Variants in OSMR observed in about 807,000 individuals in gnomAD.
OSMR encodes the protein oncostatin M receptor.
A neutral mutation model predicts 99.9 loss-of-function variants in OSMR; 81 were observed. That is an observed-to-expected ratio of 0.81 (90% CI 0.68 to 0.97). The LOEUF (loss-of-function observed/expected upper bound fraction) is 0.97. Among genes scored for constraint, OSMR ranks in the 50% least tolerant of loss-of-function variants. The pLI is 0.00. For synonymous variants in OSMR, 406 were observed against 410.4 expected (o/e 0.99, Z 0.13); for missense variants, 1,099 against 1,153.4 (o/e 0.95, Z 0.68).
chr5:38,866,976 G>T (rs1741999826), intron 1 of OSMR, among the ~76,000 whole-genome samples: 1 of 152,120 alleles, frequency 6.6e-6, no homozygotes, highest in East Asian at 1.9e-4. Flanking sequence ...CTTCTCAGGG[G>T]TTCTCTGTCA....
At chr5:38,906,517 C>T (rs972201270) in intron 9 of OSMR, among the ~76,000 whole-genome samples, 19 of 152,072 alleles carry the variant, frequency 1.2e-4, no homozygotes, top group Admixed American at 7.2e-4. Flanking sequence ...TATTGTAGCA[C>T]TTTTTTGTTA....
intron 1 of OSMR, among the ~76,000 whole-genome samples, chr5:38,853,315 G>T (rs1480294806): frequency 2.0e-5 from 3 of 152,124 alleles, no homozygotes; most frequent in Non-Finnish European, 4.4e-5. Context: ...CTGTATGTAG[G>T]TTCTCATAAG....
chr5:38,873,822 T>C (rs1742585335), intron 2 of OSMR, among the ~76,000 whole-genome samples: 1 of 152,130 alleles, frequency 6.6e-6, no homozygotes, highest in Non-Finnish European at 1.5e-5. Context: ...TTGACTTATT[T>C]TATTTTATTC....
chr5:38,863,057 G>A lies in OSMR; in HGVS notation c.-13-5975G>A, dbSNP rs532172476. The stretch of plus-strand genomic sequence containing the variant: ...CGTGCGCCTGCAATCTCAGGCACTC[G>A]GCAGGCTGAGGCAGGAGAATCAGGC... On this transcript the variant is annotated intron_variant, in intron 1 of 17. Coordinates refer to ENST00000274276, the MANE Select transcript of OSMR (RefSeq NM_003999.3). 2.6e-3 allele frequency among the ~76,000 whole-genome samples: 391 copies of A among 151,922 alleles called. 2 individuals are homozygous for A. The highest frequency in any genetic ancestry group is 8.9e-3 in the African/African-American group (368 of 41,418).
At position 38,924,458 on chromosome 5, in the gene OSMR, T is replaced by G. The variant is rs1561408667; in HGVS notation, c.1907T>G (p.Leu636Trp). Residue 636 changes from leucine (L) to tryptophan (W), a missense_variant, in exon 14 of 18, where the codon TTG becomes TGG. Leu to Trp is a moderately conservative substitution (Grantham distance 61). Transcript: ENST00000274276. ...SDNPHVLVDT[L>W]TSHSFTLSWK... ...AACCCTCACGTGCTGGTGGATACAT[T>G]GACATCCCACTCCTTCACTCTGAGT... 2.5e-6 allele frequency: 4 copies of G among 1,614,072 alleles called. No individual in the cohort carries two copies. Among genetic ancestry groups the G allele is most frequent in the Non-Finnish European group, 3.4e-6 (4 of 1,179,926 alleles).
chr5:38,937,380 G>GA (rs1245033333), downstream of OSMR, among the ~76,000 whole-genome samples: 2 of 152,162 alleles, frequency 1.3e-5, no homozygotes, highest in African/African-American at 2.4e-5. This position sits in a 1 kb window ranked among gnomAD's most constrained non-coding sequence, Gnocchi z 4.0. Context: ...AAGACATTGG[G>GA]AAAAAATGAT....
In OSMR at chr5:38,885,441, G is replaced by T; in HGVS notation, c.796G>T (p.Gly266Trp). 1 of 1,613,982 alleles carries T rather than the reference G, an allele frequency of 6.2e-7. No homozygotes were observed. Among genetic ancestry groups the T allele is most frequent in the Non-Finnish European group, 8.5e-7 (1 of 1,179,904 alleles). The stretch of plus-strand genomic sequence containing the variant: ...GGATCCTGGGACGGACACTGCCTTG[G>T]GGTGGTCTAAACAACCTTCCCAAAG... ...TWDPGTDTAL[G>W]WSKQPSQSYT... The change falls in exon 6 of 18, where the codon GGG becomes TGG. Residue 266 changes from glycine to tryptophan, a missense_variant. Coordinates refer to ENST00000274276, the MANE Select transcript of OSMR (RefSeq NM_003999.3).
chr5:38,930,005 C>T (rs549235190), intron 15 of OSMR, among the ~76,000 whole-genome samples: 1 of 152,288 alleles, frequency 6.6e-6, no homozygotes, highest in Admixed American at 6.5e-5. Flanking sequence ...TGTGGATAAT[C>T]ATACTCTCCC....
chr5:38,891,347 C>A (rs1326931115), intron 7 of OSMR, among the ~76,000 whole-genome samples: 2 of 152,186 alleles, frequency 1.3e-5, no homozygotes, highest in East Asian at 3.9e-4. Context: ...GTTTCTAGTT[C>A]AAGAGGACTG....
In OSMR at chr5:38,884,096, G is replaced by T. The variant is rs746593594; in HGVS notation, c.688G>T (p.Val230Phe). 3 of 1,613,216 alleles carry T rather than the reference G, an allele frequency of 1.9e-6. No individual in the cohort carries two copies. In the South Asian group the frequency reaches 3.3e-5, roughly 18 times the overall value. The change falls in exon 5 of 18, where the codon GTT becomes TTT. Residue 230 changes from valine (V) to phenylalanine (F), a missense_variant. Coordinates refer to ENST00000274276, the MANE Select transcript of OSMR (RefSeq NM_003999.3). The stretch of plus-strand genomic sequence containing the variant: ...TGTCAGTGAAGGCATGAAAGGCATC[G>T]TTCTTTTTGTCTCAAGTAAGTGTGC... ...GNVSEGMKGI[V>F]LFVSKVLEEP...
At chr5:38,847,234 T>G (rs1197301378) in intron 1 of OSMR, among the ~76,000 whole-genome samples, 1 of 152,236 alleles carries the variant, frequency 6.6e-6, no homozygotes. Context: ...TCAAACTACT[T>G]ATCACCTCTT....
intron 15 of OSMR, among the ~76,000 whole-genome samples, chr5:38,928,479 T>C (rs1746570759): frequency 6.6e-6 from 1 of 152,112 alleles, no homozygotes; most frequent in Non-Finnish European, 1.5e-5. Flanking sequence ...AACACATGCT[T>C]CTTCACATGG....
downstream of OSMR, among the ~76,000 whole-genome samples, chr5:38,936,740 A>C (rs1212034452): frequency 1.3e-5 from 2 of 152,220 alleles, no homozygotes; most frequent in South Asian, 2.1e-4. Context: ...GAACTTTTAA[A>C]ACTCTGGAAG....
At chr5:38,909,683 G>A (rs1745452238) in intron 9 of OSMR, among the ~76,000 whole-genome samples, 1 of 152,136 alleles carries the variant, frequency 6.6e-6, no homozygotes, top group Non-Finnish European at 1.5e-5. Context: ...AATGCTAACG[G>A]AATTCACTAC....
intron 7 of OSMR, among the ~76,000 whole-genome samples, chr5:38,893,024 C>T (rs143213428): frequency 6.6e-6 from 1 of 152,182 alleles, no homozygotes; most frequent in South Asian, 2.1e-4. Context: ...GAACAGGAAC[C>T]CCAGAGTACT....
intron 7 of OSMR, among the ~76,000 whole-genome samples, chr5:38,902,317 C>T (rs1042830458): frequency 3.3e-5 from 5 of 152,214 alleles, no homozygotes; most frequent in African/African-American, 9.6e-5. Context: ...AGGTGGCCTT[C>T]TGTGCCCCAA....
At chr5:38,880,372 G>C (rs1399450831) in intron 3 of OSMR, among the ~76,000 whole-genome samples, 5 of 152,144 alleles carry the variant, frequency 3.3e-5, no homozygotes, top group African/African-American at 4.8e-5. Flanking sequence ...TTGCAGCTGT[G>C]GGGCAGGAAA....
chr5:38,874,232 T>TTTG (rs142198285), intron 2 of OSMR, among the ~76,000 whole-genome samples: 5 of 152,182 alleles, frequency 3.3e-5, no homozygotes, highest in South Asian at 4.1e-4. Context: ...TTATTGTCTA[T>TTTG]TTGTTGTTGT....
intron 10 of OSMR, 80 bp downstream of exon 10, chr5:38,917,702 C>T: frequency 8.4e-7 from 1 of 1,183,544 alleles, no homozygotes; most frequent in Non-Finnish European, 1.3e-6. Context: ...CTCTGGAGAA[C>T]TGTGGATTGG....
Sources: allele counts gnomAD v4.1 joint callset (sites outside exome capture counted in the v4.1 genomes callset), GRCh38; gene constraint gnomAD v4.1.1; non-coding constraint Gnocchi (gnomAD v3.1); transcripts MANE v1.5; gene names NCBI Gene and HGNC (gene_info 2026-07-23, HGNC 2026-07-21).